PDE1A: variants seen among roughly 807,000 people sequenced by gnomAD.
PDE1A encodes dual specificity calcium/calmodulin-dependent 3',5'-cyclic nucleotide phosphodiesterase 1A.
A neutral mutation model predicts 61.7 loss-of-function variants in PDE1A; 35 were observed. That is an observed-to-expected ratio of 0.57 (90% CI 0.43 to 0.75). The LOEUF (loss-of-function observed/expected upper bound fraction) is 0.75, where lower values mean the gene tolerates loss of function less well. Among genes scored for constraint, PDE1A ranks in the 30% least tolerant of loss-of-function variants. PDE1A has a pLI of 0.00. For missense variants in PDE1A, 597 were observed against 630.6 expected (o/e 0.95, Z 0.57); for synonymous variants, 232 against 213.2 (o/e 1.09, Z -0.77).
intron 1 of PDE1A, among the ~76,000 whole-genome samples, chr2:182,329,301 T>A (rs1242105938): frequency 6.6e-6 from 1 of 152,238 alleles, no homozygotes; most frequent in Non-Finnish European, 1.5e-5. Flanking sequence ...TTGCACTCAC[T>A]GTTCTTCATC....
At chr2:182,324,625 C>A (rs1489744542) in intron 1 of PDE1A, among the ~76,000 whole-genome samples, 1 of 152,096 alleles carries the variant, frequency 6.6e-6, no homozygotes, top group Admixed American at 6.6e-5. Context: ...CATATTTTGC[C>A]CCAAACCTAC....
intron 13 of PDE1A, among the ~76,000 whole-genome samples, chr2:182,157,582 G>A (rs926229558): frequency 1.3e-5 from 2 of 152,142 alleles, no homozygotes; most frequent in Non-Finnish European, 2.9e-5. Context: ...AGTTAGGAAA[G>A]TAAGTTTCCT....
intron 2 of PDE1A, among the ~76,000 whole-genome samples, chr2:182,260,317 G>T (rs1203884314): frequency 1.3e-5 from 2 of 152,112 alleles, no homozygotes; most frequent in Admixed American, 1.3e-4. Flanking sequence ...AAGTCAAAAG[G>T]TTTTTAAAGT....
chr2:182,299,130 A>T (rs1695071146), intron 1 of PDE1A, among the ~76,000 whole-genome samples: 1 of 151,982 alleles, frequency 6.6e-6, no homozygotes, highest in African/African-American at 2.4e-5. Context: ...TACACTGGGG[A>T]AAAATACATA....
At chr2:182,652,610 C>T in the PDE1A span, among the ~76,000 whole-genome samples, 4 of 152,098 alleles carry the variant, frequency 2.6e-5, no homozygotes, top group African/African-American at 4.8e-5. Context: ...ATCCTCTTGA[C>T]GCAGTCCACC....
At chr2:182,395,394 G>T (rs542241411) in intron 1 of PDE1A, among the ~76,000 whole-genome samples, 2 of 152,268 alleles carry the variant, frequency 1.3e-5, no homozygotes, top group African/African-American at 4.8e-5. Flanking sequence ...TGGACTTATT[G>T]GTGAGACATT....
chr2:182,153,846 A>G (rs990645409), intron 13 of PDE1A, among the ~76,000 whole-genome samples: 1 of 152,142 alleles, frequency 6.6e-6, no homozygotes, highest in African/African-American at 2.4e-5. Flanking sequence ...GATGTTGGAG[A>G]TACTGAAGGG....
At chr2:182,212,715 A>T (rs1476416548) in intron 7 of PDE1A, among the ~76,000 whole-genome samples, 1 of 152,244 alleles carries the variant, frequency 6.6e-6, no homozygotes, top group Non-Finnish European at 1.5e-5. Flanking sequence ...TGACGGGCTT[A>T]AAAAATGGCG....
chr2:182,168,173 A>G lies in PDE1A; in HGVS notation c.*74T>C, dbSNP rs1691773208. On this transcript the variant is annotated 3_prime_UTR_variant, in exon 14 of 14. Transcript: ENST00000351439. ...CACAGGACAGGGTAGATTTCCAGCA[A>G]GCATAATCAAAATCTCCAAGTCTTT... The G allele has an allele frequency of 8.4e-6, 13 of 1,546,872 alleles. No homozygotes were observed. The East Asian group carries it at 3.0e-4, about 36-fold the overall frequency.
chr2:182,334,116 A>G (rs1697613880), intron 1 of PDE1A, among the ~76,000 whole-genome samples: 1 of 152,120 alleles, frequency 6.6e-6, no homozygotes, highest in Admixed American at 6.5e-5. Flanking sequence ...AAAACCCAGG[A>G]CCAGACAGAT....
chr2:182,707,537 G>T, the PDE1A span, among the ~76,000 whole-genome samples: 1 of 149,118 alleles, frequency 6.7e-6, no homozygotes, highest in Admixed American at 6.8e-5. Context: ...CAACTTAGAT[G>T]AAATAGACAA....
intron 1 of PDE1A, among the ~76,000 whole-genome samples, chr2:182,405,918 T>C (rs1702272656): frequency 6.6e-6 from 1 of 152,032 alleles, no homozygotes; most frequent in South Asian, 2.1e-4. Context: ...GTAAAAATAA[T>C]TTTTAAAATA....
intron 1 of PDE1A, among the ~76,000 whole-genome samples, chr2:182,367,726 T>G (rs1325459165): frequency 6.6e-6 from 1 of 152,030 alleles, no homozygotes; most frequent in Admixed American, 6.6e-5. Context: ...AAAAATTAAT[T>G]GAAAAAATAA....
chr2:182,520,139 C>G (rs1295371199), intron 2 of PDE1A, among the ~76,000 whole-genome samples: 1 of 151,850 alleles, frequency 6.6e-6, no homozygotes, highest in East Asian at 1.9e-4. Context: ...AAGACAATAT[C>G]AGCAATGGAA....
the PDE1A span, among the ~76,000 whole-genome samples, chr2:182,626,792 C>CATATATACATATATATATACAT: frequency 8.9e-4 from 8 of 8,972 alleles, 1 homozygote; most frequent in Non-Finnish European, 1.6e-3. Context: ...CATATATATA[C>CATATATACATATATATATACAT]ATATATATAC....
intron 1 of PDE1A, among the ~76,000 whole-genome samples, chr2:182,381,167 T>A (rs1002062361): frequency 6.6e-5 from 10 of 152,042 alleles, no homozygotes; most frequent in African/African-American, 2.4e-4. Flanking sequence ...TCTTCATGAA[T>A]GTGTACTTTT....
intron 10 of PDE1A, among the ~76,000 whole-genome samples, chr2:182,191,701 CT>C (rs11314814): frequency 0.43 from 59,217 of 138,912 alleles, 11,659 homozygotes; most frequent in East Asian, 0.59. Context: ...CTATATTTAA[CT>C]TTTTTTTTTT....
chr2:182,537,018 C>T, the PDE1A span, among the ~76,000 whole-genome samples: 3 of 152,182 alleles, frequency 2.0e-5, no homozygotes, highest in Middle Eastern at 3.2e-3. Context: ...CAGCCATAGC[C>T]GCTGCATGAA....
At position 182,201,522 on chromosome 2, in the gene PDE1A, C is replaced by T. The variant is rs1686629531; in HGVS notation, c.1042G>A (p.Ala348Thr). 3.1e-6 allele frequency: 5 copies of T among 1,613,838 alleles called. No homozygotes were observed. The highest frequency in any genetic ancestry group is 2.2e-5 in the East Asian group (1 of 44,860). The change falls in exon 10 of 14, where the codon GCA becomes ACA. Residue 348 changes from alanine (A) to threonine (T), a missense_variant. Ala to Thr is a moderately conservative substitution (Grantham distance 58). Transcript: ENST00000351439. ...TTGGCTGGGTGGCTGATGTCTGCTG[C>T]GTGGAGAATCAGGGACATGGTTTTG...
Sources: allele counts gnomAD v4.1 joint callset (sites outside exome capture counted in the v4.1 genomes callset), GRCh38; gene constraint gnomAD v4.1.1; transcripts MANE v1.5; gene names NCBI Gene and HGNC (gene_info 2026-07-23, HGNC 2026-07-21).